Variants in GTF3C6 observed in about 807,000 individuals in gnomAD.
The protein encoded by GTF3C6 is general transcription factor IIIC subunit 6.
Under a neutral mutation model 19.2 loss-of-function variants are expected in GTF3C6, and 11 were observed. The observed-to-expected ratio is 0.57, with a 90% CI of 0.36 to 0.95. GTF3C6 has a LOEUF of 0.95. Among genes scored for constraint, GTF3C6 ranks in the 40% least tolerant of loss-of-function variants. GTF3C6 has a pLI of 0.01. For synonymous variants in GTF3C6, 87 were observed against 84.2 expected, an observed-to-expected ratio of 1.03 and a Z score of -0.18; for missense variants, 222 against 254.7, an observed-to-expected ratio of 0.87 and a Z score of 0.87.
intron 5 of GTF3C6, among the ~76,000 whole-genome samples, chr6:110,966,524 A>C (rs982768462): frequency 1.3e-5 from 2 of 152,154 alleles, no homozygotes; most frequent in African/African-American, 2.4e-5. Context: ...TATCCTATTC[A>C]GTATGGGACA....
chr6:110,959,021 A>T, intron 1 of GTF3C6, 151 bp from the exon 2 acceptor site: 1 of 806,302 alleles, frequency 1.2e-6, no homozygotes, highest in Non-Finnish European at 2.1e-6. Context: ...TTGGGATGGG[A>T]AGTACCGGGA....
chr6:110,965,937 G>A (rs866994439), intron 5 of GTF3C6, among the ~76,000 whole-genome samples: 25 of 152,210 alleles, frequency 1.6e-4, no homozygotes, highest in Admixed American at 1.3e-3. Context: ...TAAGGTTGCA[G>A]TCAAAATGTT....
intron 4 of GTF3C6, among the ~76,000 whole-genome samples, chr6:110,961,339 C>T (rs759362280): frequency 6.6e-6 from 1 of 151,800 alleles, no homozygotes; most frequent in Non-Finnish European, 1.5e-5. Flanking sequence ...TTGGTAGAGA[C>T]AGGGTTTCGC....
Position 110,962,470 on chromosome 6 carries a change from T to G in GTF3C6, c.326T>G (p.Leu109Arg). 2 of 1,610,622 alleles carry G rather than the reference T, an allele frequency of 1.2e-6. No homozygotes were observed. Among genetic ancestry groups the G allele is most frequent in the Non-Finnish European group, 1.7e-6 (2 of 1,176,842 alleles). The change falls in exon 5 of 6, where the codon CTC (leucine) becomes CGC (arginine). Residue 109 changes from leucine (L) to arginine (R), a missense_variant. Coordinates refer to ENST00000329970, the MANE Select transcript of GTF3C6 (RefSeq NM_138408.4). ...TMKKLSMTRT[L>R]LTEKKEGEEN... ...AAGAAGCTCAGCATGACAAGAACTC[T>G]CCTGACAGAGAAGAAGGAAGGAGAA...
intron 5 of GTF3C6, among the ~76,000 whole-genome samples, chr6:110,965,133 CTTTTTT>C (rs57625165): frequency 3.6e-4 from 46 of 126,106 alleles, no homozygotes; most frequent in East Asian, 9.0e-4. Context: ...CGCACCCAAC[CTTTTTT>C]TTTTTTTTTT....
chr6:110,967,574 C>T lies in GTF3C6; in HGVS notation c.426C>T (p.Asn142=). Residue 142 remains asparagine, a synonymous_variant, in exon 6 of 6, where the codon AAC becomes AAT. Transcript: ENST00000329970. ...DFSYRPNMIC[N]FLHENEDEEV... ...CCTATCGACCCAACATGATTTGTAA[C>T]TTTCTACATGAAAATGAAGACGAAG... is the stretch of plus-strand genomic sequence containing the variant. 1 of 1,613,962 alleles carries T rather than the reference C, an allele frequency of 6.2e-7. No homozygotes were observed.
At chr6:110,962,928 A>G (rs1193102765) in intron 5 of GTF3C6, among the ~76,000 whole-genome samples, 2 of 152,106 alleles carry the variant, frequency 1.3e-5, no homozygotes, top group Non-Finnish European at 2.9e-5. Flanking sequence ...ACAGGCACGC[A>G]CCACCAGGGC....
At chr6:110,966,059 T>C (rs1384513943) in intron 5 of GTF3C6, among the ~76,000 whole-genome samples, 1 of 152,198 alleles carries the variant, frequency 6.6e-6, no homozygotes, top group African/African-American at 2.4e-5. Flanking sequence ...TTCCTTGACA[T>C]GTTGTCCTCC....
chr6:110,962,847 C>T lies in GTF3C6; in HGVS notation c.361+342C>T, dbSNP rs546045131. Among the ~76,000 whole-genome samples the T allele has an allele frequency of 4.6e-5, 7 of 152,252 alleles. No homozygotes were observed. In the South Asian group the frequency reaches 6.2e-4, roughly 14 times the overall value. ...GGGCCGGAGTGCAGTGTCGCGATCT[C>T]GGCTCACTGCAACCTCCGCCTCCCG... On this transcript the variant is annotated intron_variant, in intron 5 of 5. Coordinates refer to ENST00000329970, the MANE Select transcript of GTF3C6 (RefSeq NM_138408.4).
rs746560292 is a variant in GTF3C6, at chr6:110,958,769, C to G, written c.-1C>G. ...ACTAGAAGGCGAGGCGCCGCGGGAC[C>G]ATGGCGGCGGCGGCGGACGAGCGGA... On this transcript the variant is annotated 5_prime_UTR_variant, in exon 1 of 6. Transcript: ENST00000329970. The G allele has an allele frequency of 4.5e-6, 7 of 1,550,742 alleles. No individual in the cohort carries two copies. Among genetic ancestry groups the G allele is most frequent in the Middle Eastern group, 1.7e-4 (1 of 5,814 alleles).
In GTF3C6 at chr6:110,962,456, C is replaced by G; in HGVS notation, c.312C>G (p.Ser104Arg). 1 of 1,612,012 alleles carries G rather than the reference C, an allele frequency of 6.2e-7. No homozygotes were observed. The highest frequency in any genetic ancestry group is 8.5e-7 in the Non-Finnish European group (1 of 1,178,166). ...KYKCHTMKKL[S>R]MTRTLLTEKK... The stretch of plus-strand genomic sequence containing the variant: ...AATGCCATACAATGAAGAAGCTCAG[C>G]ATGACAAGAACTCTCCTGACAGAGA... Residue 104 changes from serine (S) to arginine (R), a missense_variant, in exon 5 of 6, where the codon AGC becomes AGG. Physicochemically the swap from Ser to Arg is moderately radical, Grantham distance 110 (BLOSUM62 -1). Transcript: ENST00000329970.
At position 110,960,300 on chromosome 6, in the gene GTF3C6, A is replaced by C. The variant is rs369298996; in HGVS notation, c.139-114A>C. ...AGTTTATCCTGTACTTGGTAGGACA[A>C]GATGCTCTAGAGGTTCCCCAGTTTT... On this transcript the variant is annotated intron_variant, in intron 2 of 5. Coordinates refer to ENST00000329970, the MANE Select transcript of GTF3C6 (RefSeq NM_138408.4). 163 of 806,108 alleles carry C rather than the reference A, an allele frequency of 2.0e-4. 1 individual carries two copies. The African/African-American group carries it at 2.6e-3, about 13-fold the overall frequency. The allele number at this position is 806,108 out of a possible 1,614,324, so 49.9% of individuals were successfully genotyped here.
chr6:110,959,246 G>A lies in GTF3C6; in HGVS notation c.132G>A (p.Lys44=), dbSNP rs1771126772. The change falls in exon 2 of 6, where the codon AAG becomes AAA. Residue 44 remains lysine, a synonymous_variant. Transcript: ENST00000329970. ...DFLSKCENKC[K]VLGIDTERPI... ...TCTCAAAATGTGAAAATAAATGCAAGGTTTTGGTGAGTTTTCTAGACTTGG... is the reference window on the plus strand; with the variant it reads ...TCTCAAAATGTGAAAATAAATGCAAAGTTTTGGTGAGTTTTCTAGACTTGG... 5 of 1,601,904 alleles carry A rather than the reference G, an allele frequency of 3.1e-6. No individual in the cohort carries two copies. The highest frequency in any genetic ancestry group is 4.3e-6 in the Non-Finnish European group (5 of 1,169,526).
chr6:110,960,417 A>T lies in GTF3C6; in HGVS notation c.142A>T (p.Ile48Phe). The change falls in exon 3 of 6, where the codon ATT (isoleucine) becomes TTT (phenylalanine). Residue 48 changes from isoleucine to phenylalanine, a missense_variant. Transcript: ENST00000329970. The part of the protein sequence containing the change: ...KCENKCKVLG[I>F]DTERPILQVD... ...ATGATCCTTTATTCTGTTGTAGGGC[A>T]TTGACACTGAGAGGCCCATTCTGCA... 6.2e-7 allele frequency: 1 copy of T among 1,612,426 alleles called. No homozygotes were observed. The highest frequency in any genetic ancestry group is 2.2e-5 in the East Asian group (1 of 44,842).
At position 110,959,233 on chromosome 6, in the gene GTF3C6, A is replaced by G. The variant is rs964515221; in HGVS notation, c.119A>G (p.Glu40Gly). ...IIDSDFLSKC[E>G]NKCKVLGIDT... is the part of the protein sequence containing the mutation. ...GATTCAGACTTCCTCTCAAAATGTG[A>G]AAATAAATGCAAGGTTTTGGTGAGT... The change falls in exon 2 of 6, where the codon GAA (glutamate) becomes GGA (glycine). Residue 40 changes from glutamate to glycine, a missense_variant. Coordinates refer to ENST00000329970, the MANE Select transcript of GTF3C6 (RefSeq NM_138408.4). The G allele has an allele frequency of 6.2e-7, 1 of 1,609,464 alleles. No homozygotes were observed. Among genetic ancestry groups the G allele is most frequent in the Non-Finnish European group, 8.5e-7 (1 of 1,176,076 alleles).
At chr6:110,964,497 C>T (rs5025088) in intron 5 of GTF3C6, among the ~76,000 whole-genome samples, 37,576 of 152,052 alleles carry the variant, frequency 0.25, 5,365 homozygotes, top group East Asian at 0.65. Flanking sequence ...GCCTCAGCCT[C>T]CCAAAGTGCT....
intron 5 of GTF3C6, among the ~76,000 whole-genome samples, chr6:110,962,726 C>G (rs1457448800): frequency 6.6e-6 from 1 of 152,198 alleles, no homozygotes; most frequent in Non-Finnish European, 1.5e-5. Context: ...CCCCAGGCTC[C>G]TGAGCAACAG....
intron 5 of GTF3C6, among the ~76,000 whole-genome samples, chr6:110,963,805 G>A (rs1562359039): frequency 6.6e-6 from 1 of 151,338 alleles, no homozygotes; most frequent in Non-Finnish European, 1.5e-5. Context: ...GGGTGCAAGC[G>A]ATTCTCCTGC....
In GTF3C6 at chr6:110,959,188, TGGAATTATCA is replaced by T; in HGVS notation, c.83_92del (p.Ser28LeufsTer40). 1 of 1,612,100 alleles carries T rather than the reference TGGAATTATCA, an allele frequency of 6.2e-7. No homozygotes were observed. Among genetic ancestry groups the T allele is most frequent in the Non-Finnish European group, 8.5e-7 (1 of 1,178,226 alleles). ...TTTCACCAGGAGCAGTTGGTTCTGGTGGAATTATCAGGAATTATTGATTCAGACTTCCTCT... is the reference window on the plus strand; with the variant it reads ...TTTCACCAGGAGCAGTTGGTTCTGGTGGAATTATTGATTCAGACTTCCTCT... On this transcript the variant is annotated frameshift_variant, in exon 2 of 6. Transcript: ENST00000329970. LOFTEE classifies it high-confidence loss of function.
Sources: allele counts gnomAD v4.1 joint callset (sites outside exome capture counted in the v4.1 genomes callset), GRCh38; gene constraint gnomAD v4.1.1; transcripts MANE v1.5; gene names NCBI Gene and HGNC (gene_info 2026-07-23, HGNC 2026-07-21).